RFX3: variants seen among roughly 807,000 people sequenced by gnomAD.
RFX3 encodes regulatory factor X3.
A neutral mutation model predicts 98.6 loss-of-function variants in RFX3; 14 were observed. That is an observed-to-expected ratio of 0.14 (90% CI 0.09 to 0.22). RFX3 has a LOEUF of 0.22. RFX3 is among the 10% of genes least tolerant of loss of function. The pLI is 1.00. For missense variants in RFX3, 639 were observed against 926.9 expected, an observed-to-expected ratio of 0.69 and a Z score of 4.03; for synonymous variants, 383 against 328.4, an observed-to-expected ratio of 1.17 and a Z score of -1.80.
At chr9:3,330,170 T>G in intron 4 of RFX3, 89 bp downstream of exon 4, 1 of 1,330,166 alleles carries the variant, frequency 7.5e-7, no homozygotes, top group Non-Finnish European at 1.0e-6. Flanking sequence ...CCCAGTCCCA[T>G]CTGTGTTGTT....
intron 9 of RFX3, among the ~76,000 whole-genome samples, chr9:3,273,006 C>G (rs563382103): frequency 1.2e-4 from 18 of 152,232 alleles, no homozygotes; most frequent in Middle Eastern, 6.8e-3. Flanking sequence ...TCTCAAATAA[C>G]TCTTTCAAAA....
intron 1 of RFX3, among the ~76,000 whole-genome samples, chr9:3,445,443 C>T (rs921674684): frequency 1.3e-5 from 2 of 152,056 alleles, no homozygotes; most frequent in Admixed American, 6.6e-5. Flanking sequence ...GATGAAATAT[C>T]TCAGGGTGAG....
At chr9:3,327,954 G>C (rs890676534) in intron 4 of RFX3, among the ~76,000 whole-genome samples, 1 of 152,084 alleles carries the variant, frequency 6.6e-6, no homozygotes, top group Non-Finnish European at 1.5e-5. Flanking sequence ...ATTTACATGA[G>C]CTGGATTAAA....
At position 3,343,357 on chromosome 9, in the gene RFX3, G is replaced by T. The variant is rs199813109; in HGVS notation, c.215+3310C>A. On this transcript the variant is annotated intron_variant, in intron 3 of 16. Transcript: ENST00000617270. ...AAAGCATTTATTATCACACAGAAGTGGGACTCCGACTGTGATCCAAGTCAG... is the reference window on the plus strand; with the variant it reads ...AAAGCATTTATTATCACACAGAAGTTGGACTCCGACTGTGATCCAAGTCAG... 1.5e-4 allele frequency among the ~76,000 whole-genome samples: 23 copies of T among 152,262 alleles called. No individual in the cohort carries two copies. The East Asian group carries it at 2.5e-3, about 17-fold the overall frequency.
At chr9:3,504,116 T>TCTCC (rs1233308567) in intron 1 of RFX3, among the ~76,000 whole-genome samples, 2 of 143,866 alleles carry the variant, frequency 1.4e-5, no homozygotes, top group Admixed American at 1.5e-4. Flanking sequence ...TCTCTCTCTC[T>TCTCC]CTCCCTCTCT....
At chr9:3,309,493 G>C (rs749964693) in intron 4 of RFX3, among the ~76,000 whole-genome samples, 3 of 151,814 alleles carry the variant, frequency 2.0e-5, no homozygotes, top group Non-Finnish European at 4.4e-5. Flanking sequence ...GAGCCACCCT[G>C]AGGCTTGTGC....
At chr9:3,410,161 CTGTGTGTGTGTGTGTGTGTGTG>C (rs555349379) in intron 1 of RFX3, among the ~76,000 whole-genome samples, 9 of 114,048 alleles carry the variant, frequency 7.9e-5, no homozygotes, top group African/African-American at 2.3e-4. Flanking sequence ...GTGAGATAAA[CTGTGTGTGTGTGTGTGTGTGTG>C]TGTGTGTGTG....
chr9:3,508,591 C>A (rs1817346657), intron 1 of RFX3, among the ~76,000 whole-genome samples: 1 of 151,934 alleles, frequency 6.6e-6, no homozygotes. Context: ...AATATTTCAT[C>A]ATACTTTCGT....
chr9:3,448,808 C>T (rs1250604379), intron 1 of RFX3, among the ~76,000 whole-genome samples: 1 of 152,184 alleles, frequency 6.6e-6, no homozygotes, highest in African/African-American at 2.4e-5. Flanking sequence ...GTGTGAGCCA[C>T]TGCACCCAGC....
At chr9:3,369,956 G>C (rs149149941) in intron 2 of RFX3, among the ~76,000 whole-genome samples, 5,199 of 150,430 alleles carry the variant, frequency 0.035, 292 homozygotes, top group African/African-American at 0.12. Context: ...AGCCTCCCGA[G>C]TAGCTGGGAC....
intron 10 of RFX3, 122 bp from the exon 11 acceptor site, chr9:3,270,647 T>A: frequency 1.0e-6 from 1 of 961,202 alleles, no homozygotes; most frequent in Non-Finnish European, 1.5e-6. Context: ...ACCATTGCAC[T>A]GGTGCCATAC....
intron 1 of RFX3, among the ~76,000 whole-genome samples, chr9:3,462,654 A>G (rs1043640071): frequency 6.6e-6 from 1 of 152,094 alleles, no homozygotes; most frequent in Non-Finnish European, 1.5e-5. Context: ...AGAGTTTACC[A>G]AAAATTAAAT....
intron 15 of RFX3, chr9:3,247,565 T>A: frequency 8.5e-7 from 1 of 1,175,674 alleles, no homozygotes; most frequent in Non-Finnish European, 1.1e-6. Flanking sequence ...ACATAGTAAG[T>A]GTCCAAAAAA....
At position 3,223,909 on chromosome 9, in the gene RFX3, G is replaced by T. The variant is rs1817506417; in HGVS notation, c.*1133C>A. 6.6e-6 allele frequency: 1 copy of T among 152,104 alleles called. No homozygotes were observed. The allele number at this position is 152,104 out of a possible 1,614,324, so 9.4% of individuals were successfully genotyped here. ...ACCTATCCAAATCCTACAGAATTGG[G>T]GATAAGTAACAGTGAGGTGTGCCAG... On this transcript the variant is annotated 3_prime_UTR_variant, in exon 17 of 17. Coordinates refer to ENST00000617270, the MANE Select transcript of RFX3 (RefSeq NM_001282116.2).
chr9:3,427,134 G>C (rs1844124918), intron 1 of RFX3, among the ~76,000 whole-genome samples: 1 of 150,164 alleles, frequency 6.7e-6, no homozygotes, highest in African/African-American at 2.4e-5. Flanking sequence ...TACTGCTATT[G>C]ACTTTATTTT....
chr9:3,278,916 G>C (rs148078381), intron 7 of RFX3, among the ~76,000 whole-genome samples: 1,774 of 151,912 alleles, frequency 0.012, 22 homozygotes, highest in African/African-American at 0.025. Flanking sequence ...AAAATTGATT[G>C]CTGTTTTCTA....
chr9:3,353,682 A>T (rs541762693), intron 2 of RFX3, among the ~76,000 whole-genome samples: 1 of 152,216 alleles, frequency 6.6e-6, no homozygotes, highest in African/African-American at 2.4e-5. Context: ...CTGAATTACA[A>T]GCAGTGTAAC....
chr9:3,229,895 T>C (rs539626940), intron 15 of RFX3, among the ~76,000 whole-genome samples: 56 of 152,290 alleles, frequency 3.7e-4, no homozygotes, highest in African/African-American at 9.6e-4. Context: ...TTTGCAAACA[T>C]ACACATATTT....
intron 2 of RFX3, among the ~76,000 whole-genome samples, chr9:3,392,815 C>A (rs1840450219): frequency 6.6e-6 from 1 of 151,884 alleles, no homozygotes; most frequent in Non-Finnish European, 1.5e-5. Flanking sequence ...CTAGAAGAAA[C>A]ACAGTCATTA....
Sources: gnomAD v4.1 joint callset for allele counts (sites outside exome capture counted in the v4.1 genomes callset) on GRCh38, gnomAD v4.1.1 for gene constraint, MANE v1.5 for transcripts, NCBI Gene and HGNC (gene_info 2026-07-23, HGNC 2026-07-21) for gene names.